Variants in F8 observed in about 807,000 individuals in gnomAD.
F8 encodes the protein coagulation factor VIII, also known as antihemophilic factor.
In F8, 12 loss-of-function variants were observed where a neutral mutation model predicts 140.6. The ratio of observed to expected loss-of-function variants is 0.09; its 90% CI spans 0.05 to 0.14. The LOEUF (loss-of-function observed/expected upper bound fraction) is 0.14. Among genes scored for constraint, F8 ranks in the 10% least tolerant of loss-of-function variants. The pLI is 1.00. For synonymous variants in F8, 585 were observed against 614.6 expected (o/e 0.95, Z 0.71); for missense variants, 1,354 against 1,720.7 (o/e 0.79, Z 3.77).
At chrX:154,937,604 G>A (rs185556594) in intron 13 of F8, among the ~76,000 whole-genome samples, 1 of 110,580 alleles carries the variant, frequency 9.0e-6, no homozygotes, top group East Asian at 2.8e-4. Flanking sequence ...CTTACTTCAA[G>A]TAAATTAAAC....
chrX:154,983,150 T>C (rs984510702), intron 6 of F8, among the ~76,000 whole-genome samples: 1 of 112,273 alleles, frequency 8.9e-6, no homozygotes. Flanking sequence ...TTCTATTGAG[T>C]TTCTATTTTG....
chrX:154,900,023 G>A (rs2073001851), intron 20 of F8, 72 bp from the exon 21 acceptor site: 2 of 956,040 alleles, frequency 2.1e-6, no homozygotes, highest in Admixed American at 4.9e-5. Flanking sequence ...TAAAATTATT[G>A]TCTTGAGAAA....
chrX:154,862,261 C>T (rs1217352454), intron 23 of F8, among the ~76,000 whole-genome samples: 3 of 111,180 alleles, frequency 2.7e-5, no homozygotes, highest in South Asian at 3.8e-4. Flanking sequence ...CTCCTGACCT[C>T]GTGATCCACC....
intron 1 of F8, among the ~76,000 whole-genome samples, chrX:155,009,489 C>G: frequency 9.0e-6 from 1 of 111,405 alleles, no homozygotes; most frequent in Non-Finnish European, 1.9e-5. Flanking sequence ...GTAATCCCAG[C>G]ACTTTGGGAG....
chrX:154,919,907 C>A (rs1219846964), intron 14 of F8: 2 of 207,812 alleles, frequency 9.6e-6, no homozygotes, highest in Non-Finnish European at 1.9e-5. Context: ...GACTCCTCAG[C>A]CTCATTAGGG....
chrX:154,917,720 T>A (rs1481106200), intron 14 of F8, among the ~76,000 whole-genome samples: 1 of 111,924 alleles, frequency 8.9e-6, no homozygotes, highest in Non-Finnish European at 1.9e-5. Context: ...TGTTTAGACT[T>A]TCCAGTGCAT....
chrX:154,991,305 G>A (rs1411952908), intron 4 of F8, among the ~76,000 whole-genome samples: 2 of 112,257 alleles, frequency 1.8e-5, no homozygotes, highest in Admixed American at 1.9e-4. Context: ...TACTCACTTC[G>A]AAGTCTCCAG....
intron 14 of F8, among the ~76,000 whole-genome samples, chrX:154,910,878 T>C (rs1336353731): frequency 9.0e-6 from 1 of 110,619 alleles, no homozygotes; most frequent in Non-Finnish European, 1.9e-5. Context: ...CCCGATTGTA[T>C]GTTCTATTTA....
At chrX:154,872,285 A>T (rs782225450) in intron 22 of F8, among the ~76,000 whole-genome samples, 177 of 112,079 alleles carry the variant, frequency 1.6e-3, no homozygotes, top group African/African-American at 5.4e-3. Context: ...AATAGCGAAG[A>T]CTTGGAACCA....
intron 1 of F8, among the ~76,000 whole-genome samples, chrX:155,011,251 A>G (rs1235396649): frequency 8.9e-6 from 1 of 112,649 alleles, no homozygotes; most frequent in Non-Finnish European, 1.9e-5. Flanking sequence ...AAGCATTTAA[A>G]TAGACATTTC....
intron 25 of F8, among the ~76,000 whole-genome samples, chrX:154,838,662 A>G (rs781819949): frequency 1.8e-5 from 2 of 111,606 alleles, no homozygotes; most frequent in African/African-American, 3.3e-5. Flanking sequence ...TGCTTCCTGG[A>G]GCTATTGGGT....
chrX:154,916,682 T>C (rs1386180238), intron 14 of F8, among the ~76,000 whole-genome samples: 7 of 111,677 alleles, frequency 6.3e-5, no homozygotes, highest in Non-Finnish European at 1.1e-4. Context: ...TTGGGTCTTC[T>C]CTCATTTTTT....
Position 154,991,343 on chromosome X carries a change from C to T in F8, c.601+1593G>A, listed in dbSNP as rs192606107. ...ATGTTTTAATTCAGGTTAAGGAATA[C>T]TAGAGTGGGGAAAAAGGTATACTCC... On this transcript the variant is annotated intron_variant, in intron 4 of 25. Transcript: ENST00000360256. 1.2e-4 allele frequency among the ~76,000 whole-genome samples: 14 copies of T among 112,479 alleles called. 1 individual carries two copies. The Admixed American group carries it at 1.3e-3, about 11-fold the overall frequency.
chrX:154,915,242 CAT>C (rs781838707), intron 14 of F8, among the ~76,000 whole-genome samples: 2 of 111,889 alleles, frequency 1.8e-5, no homozygotes, highest in South Asian at 7.5e-4. Context: ...CCTCCCACGA[CAT>C]GTGGGGATTA....
intron 1 of F8, among the ~76,000 whole-genome samples, chrX:155,005,047 T>A (rs1161414467): frequency 8.9e-6 from 1 of 111,989 alleles, no homozygotes; most frequent in African/African-American, 3.2e-5. Flanking sequence ...AAACTATGCC[T>A]CTTATCCCAA....
At position 154,929,126 on chromosome X, in the gene F8, T is replaced by C. The variant is rs1557278379; in HGVS notation, c.4664A>G (p.Asn1555Ser). The change falls in exon 14 of 26, where the codon AAT (asparagine) becomes AGT (serine). Residue 1555 changes from asparagine to serine, a missense_variant. Physicochemically the swap from Asn to Ser is conservative, Grantham distance 46. Around this residue, in one of 4 missense-constraint regions of F8, gnomAD observed 658 missense variants for 666.5 expected, o/e 0.99. Transcript: ENST00000360256. ...LQGTEGAIKW[N>S]EANRPGKVPF... ...AACTTTTCCAGGTCTGTTTGCTTCA[T>C]TCCACTTAATCGCTCCCTCTGTTCC... 8.3e-7 allele frequency: 1 copy of C among 1,211,651 alleles called. No homozygotes were observed. Among genetic ancestry groups the C allele is most frequent in the Admixed American group, 2.2e-5 (1 of 45,994 alleles).
At position 154,961,060 on chromosome X, in the gene F8, C is replaced by T. The variant is rs782407122; in HGVS notation, c.1537+15G>A. On this transcript the variant is annotated intron_variant, in intron 10 of 25. Transcript: ENST00000360256. ...CTACAGGTAAAAAAGAGCTATAAATCGAGGGAATATTTACCTTTTGGTAAT... is the reference window on the plus strand; with the variant it reads ...CTACAGGTAAAAAAGAGCTATAAATTGAGGGAATATTTACCTTTTGGTAAT... 80 of 1,080,263 alleles carry T rather than the reference C, an allele frequency of 7.4e-5. No homozygotes were observed. The highest frequency in any genetic ancestry group is 1.0e-4 in the Non-Finnish European group (79 of 777,069). 89.0% of individuals were successfully genotyped at this position (1,080,263 alleles called of 1,213,427 possible). A position where few individuals can be genotyped will look rare whatever the true frequency, so the allele number is the denominator to read the frequency against.
At chrX:154,944,495 G>A in intron 13 of F8, among the ~76,000 whole-genome samples, 1 of 111,351 alleles carries the variant, frequency 9.0e-6, no homozygotes, top group Non-Finnish European at 1.9e-5. Flanking sequence ...AGTTAGAATG[G>A]CGATCATTAA....
intron 6 of F8, among the ~76,000 whole-genome samples, chrX:154,974,061 G>T (rs1206115788): frequency 9.0e-6 from 1 of 111,164 alleles, no homozygotes; most frequent in Non-Finnish European, 1.9e-5. Flanking sequence ...CAAGTGATCT[G>T]CCCGCCTTGG....
Sources: allele counts gnomAD v4.1 joint callset (sites outside exome capture counted in the v4.1 genomes callset), GRCh38; gene constraint gnomAD v4.1.1; regional missense constraint gnomAD v4.1.1; transcripts MANE v1.5; gene names NCBI Gene and HGNC (gene_info 2026-07-23, HGNC 2026-07-21).